Variants in MYO6 observed in about 807,000 individuals in gnomAD.
MYO6 encodes the protein unconventional myosin-VI.
A neutral mutation model predicts 178.7 loss-of-function variants in MYO6; 74 were observed. The ratio of observed to expected loss-of-function variants is 0.41; its 90% CI spans 0.34 to 0.50. The LOEUF (loss-of-function observed/expected upper bound fraction) is 0.50, where lower values mean the gene tolerates loss of function less well. Among genes scored for constraint, MYO6 ranks in the 20% least tolerant of loss-of-function variants. MYO6 has a pLI of 0.09. For synonymous variants in MYO6, 477 were observed against 504.6 expected, an observed-to-expected ratio of 0.95 and a Z score of 0.73; for missense variants, 1,330 against 1,547.4, an observed-to-expected ratio of 0.86 and a Z score of 2.36.
chr6:75,752,177 A>C (rs1776959551), intron 1 of MYO6, among the ~76,000 whole-genome samples: 2 of 152,050 alleles, frequency 1.3e-5, no homozygotes, highest in Non-Finnish European at 2.9e-5. Context: ...TTATTATTAG[A>C]GATGGGGTTT....
intron 1 of MYO6, among the ~76,000 whole-genome samples, chr6:75,794,718 T>A (rs1255296292): frequency 1.3e-5 from 2 of 148,642 alleles, no homozygotes; most frequent in East Asian, 4.1e-4. Context: ...GGCACTGTTG[T>A]TGGTTATATA....
chr6:75,838,646 T>A (rs1773886747), intron 7 of MYO6, among the ~76,000 whole-genome samples: 1 of 149,830 alleles, frequency 6.7e-6, no homozygotes, highest in Admixed American at 6.6e-5. Context: ...GAGTTGACCA[T>A]GGTTTTTTTT....
chr6:75,892,499 T>G (rs1424604789), intron 27 of MYO6, 31 bp from the exon 28 acceptor site: 1 of 1,613,742 alleles, frequency 6.2e-7, no homozygotes, highest in Non-Finnish European at 8.5e-7. Context: ...AGTGAAGAAC[T>G]CTTGGTGAAA....
chr6:75,875,919 A>G (rs1282080500), intron 20 of MYO6, among the ~76,000 whole-genome samples: 2 of 152,154 alleles, frequency 1.3e-5, no homozygotes, highest in Non-Finnish European at 2.9e-5. Context: ...ATGGCTTCAG[A>G]TGAGTATTAG....
At chr6:75,860,964 G>C (rs529978220) in intron 14 of MYO6, 59 bp from the exon 15 acceptor site, 2 of 1,231,356 alleles carry the variant, frequency 1.6e-6, no homozygotes, top group East Asian at 4.7e-5. Flanking sequence ...CAGAAACAGT[G>C]CAAAATTCAC....
rs558309531 is a variant in MYO6, at chr6:75,804,253, A to C, written c.-47-13248A>C. On this transcript the variant is annotated intron_variant, in intron 1 of 34. Coordinates refer to ENST00000369977, the MANE Select transcript of MYO6 (RefSeq NM_004999.4). ...CGGGAACCGAAATGCTTGATAAAAG[A>C]TTGTGCTAGGTGCACACAAAACTTA... is the stretch of plus-strand genomic sequence containing the variant. Among the ~76,000 whole-genome samples the C allele has an allele frequency of 3.3e-5, 5 of 152,338 alleles. No individual in the cohort carries two copies. The South Asian group carries it at 1.0e-3, about 32-fold the overall frequency.
intron 4 of MYO6, among the ~76,000 whole-genome samples, chr6:75,829,968 A>G (rs1772910547): frequency 6.6e-6 from 1 of 152,182 alleles, no homozygotes; most frequent in Non-Finnish European, 1.5e-5. Flanking sequence ...CAGGGTGAAT[A>G]CAGTAGGTAA....
At chr6:75,905,063 T>G (rs1780168085) in intron 30 of MYO6, among the ~76,000 whole-genome samples, 1 of 152,158 alleles carries the variant, frequency 6.6e-6, no homozygotes, top group African/African-American at 2.4e-5. Context: ...GGGGCCCACT[T>G]GAGGAGACAG....
chr6:75,832,726 A>G (rs547428643), intron 5 of MYO6, 116 bp from the exon 6 acceptor site: 1 of 659,766 alleles, frequency 1.5e-6, no homozygotes, highest in Non-Finnish European at 2.7e-6. Context: ...AAATTTCATT[A>G]ACATTGAATA....
intron 28 of MYO6, among the ~76,000 whole-genome samples, chr6:75,893,879 G>T (rs1562295941): frequency 6.6e-6 from 1 of 152,162 alleles, no homozygotes; most frequent in Non-Finnish European, 1.5e-5. Flanking sequence ...CCCAGATAGG[G>T]CTTTTATAAA....
At chr6:75,796,839 T>C (rs1768886553) in intron 1 of MYO6, among the ~76,000 whole-genome samples, 1 of 152,176 alleles carries the variant, frequency 6.6e-6, no homozygotes, top group African/African-American at 2.4e-5. Context: ...ATATTGTATT[T>C]GGTTTTCTGT....
chr6:75,771,186 G>A (rs1765860030), intron 1 of MYO6, among the ~76,000 whole-genome samples: 1 of 151,934 alleles, frequency 6.6e-6, no homozygotes, highest in African/African-American at 2.4e-5. Context: ...ATTTTTTGTA[G>A]AGACAGGGTT....
intron 16 of MYO6, among the ~76,000 whole-genome samples, chr6:75,863,792 C>T (rs1388176119): frequency 6.6e-6 from 1 of 151,782 alleles, no homozygotes; most frequent in Admixed American, 6.6e-5. Context: ...CTCAGAAGAC[C>T]TGGTTTCTGA....
chr6:75,842,687 C>CT (rs1446384637), intron 9 of MYO6, among the ~76,000 whole-genome samples: 2 of 152,082 alleles, frequency 1.3e-5, no homozygotes, highest in Admixed American at 6.5e-5. Context: ...GGAAGCATTT[C>CT]TTTTTTACTA....
At chr6:75,854,972 C>T (rs753247591) in intron 11 of MYO6, among the ~76,000 whole-genome samples, 167 bp from the exon 12 acceptor site, 29 of 151,984 alleles carry the variant, frequency 1.9e-4, no homozygotes, top group Non-Finnish European at 3.8e-4. Context: ...CTTAGCAGTA[C>T]GGGTGTTTGA....
chr6:75,879,215 A>T (rs1777812507), intron 20 of MYO6, among the ~76,000 whole-genome samples: 1 of 152,050 alleles, frequency 6.6e-6, no homozygotes, highest in South Asian at 2.1e-4. Flanking sequence ...ACAGAAAAAA[A>T]GATACAAACT....
intron 16 of MYO6, among the ~76,000 whole-genome samples, chr6:75,864,369 C>T (rs1776468628): frequency 6.6e-6 from 1 of 152,182 alleles, no homozygotes; most frequent in South Asian, 2.1e-4. Context: ...ATCTCACATC[C>T]ACCTGCTCCA....
intron 1 of MYO6, among the ~76,000 whole-genome samples, chr6:75,788,037 A>G (rs903773713): frequency 6.6e-6 from 1 of 151,838 alleles, no homozygotes; most frequent in African/African-American, 2.4e-5. Flanking sequence ...GTGGGATTAC[A>G]GTTTGAGCCA....
chr6:75,887,556 G>A (rs1162453193), intron 25 of MYO6, among the ~76,000 whole-genome samples: 6 of 147,832 alleles, frequency 4.1e-5, no homozygotes, highest in South Asian at 2.1e-4. Flanking sequence ...CAGGAGAATC[G>A]CTTGAACCTG....
Sources: gnomAD v4.1 joint callset for allele counts (sites outside exome capture counted in the v4.1 genomes callset) on GRCh38, gnomAD v4.1.1 for gene constraint, MANE v1.5 for transcripts, NCBI Gene and HGNC (gene_info 2026-07-23, HGNC 2026-07-21) for gene names.